TRPS1: variants seen among roughly 807,000 people sequenced by gnomAD.
The protein encoded by TRPS1 is transcriptional repressor GATA binding 1.
A neutral mutation model predicts 101.2 loss-of-function variants in TRPS1; 6 were observed. The observed-to-expected ratio is 0.06, with a 90% CI of 0.03 to 0.12. TRPS1 has a LOEUF of 0.12. Ranked by LOEUF, TRPS1 falls within the 10% of genes least tolerant of loss-of-function variation. The probability of loss-of-function intolerance (pLI) is 1.00; values close to 1 mark genes in which losing one functional copy is unlikely to be tolerated. For missense variants in TRPS1, 1,363 were observed against 1,567.0 expected, an observed-to-expected ratio of 0.87 and a Z score of 2.20; for synonymous variants, 578 against 589.8, an observed-to-expected ratio of 0.98 and a Z score of 0.29.
At chr8:115,550,923 T>C (rs999107164) in intron 5 of TRPS1, among the ~76,000 whole-genome samples, 1 of 152,170 alleles carries the variant, frequency 6.6e-6, no homozygotes, top group Non-Finnish European at 1.5e-5. Context: ...GGAATATCAG[T>C]AATACAAGTT....
chr8:115,415,105 A>G, intron 6 of TRPS1, 21 bp from the exon 7 acceptor site: 2 of 1,581,606 alleles, frequency 1.3e-6, no homozygotes, highest in Non-Finnish European at 1.7e-6. Flanking sequence ...CACATACAAT[A>G]CATAAAAGGA....
chr8:115,652,635 CTA>C (rs1443409871), intron 1 of TRPS1, among the ~76,000 whole-genome samples: 1 of 152,208 alleles, frequency 6.6e-6, no homozygotes, highest in African/African-American at 2.4e-5. Flanking sequence ...AAAACCTAAT[CTA>C]TCTCTCAGCT....
chr8:115,540,710 T>G lies in TRPS1; in HGVS notation c.2700+46291A>C, dbSNP rs1205332849. Among the ~76,000 whole-genome samples, 2 of 151,866 alleles carry G rather than the reference T, an allele frequency of 1.3e-5. 1 individual carries two copies. Among genetic ancestry groups the G allele is most frequent in the South Asian group, 4.1e-4 (2 of 4,824 alleles). ...GTCAAAACACAAAAAATACATACTT[T>G]GGCTAAACTTTGAATTACATACCAG... On this transcript the variant is annotated intron_variant, in intron 5 of 6. Transcript: ENST00000395715.
rs546617275 is a variant in TRPS1 at position 115,492,053 on chromosome 8, A to G, written c.2701-73601T>C. 2.3e-5 allele frequency: 9 copies of G among 390,268 alleles called. No individual in the cohort carries two copies. In the East Asian group the frequency reaches 5.0e-4, roughly 22 times the overall value. The allele number at this position is 390,268 out of a possible 1,614,324, so 24.2% of individuals were successfully genotyped here. On this transcript the variant is annotated intron_variant, in intron 5 of 6. Coordinates refer to ENST00000395715, the MANE Select transcript of TRPS1 (RefSeq NM_014112.5). The stretch of plus-strand genomic sequence containing the variant: ...GTCTTTTAATTTCAAACTAACTCTC[A>G]CTTGGCTTCTAATACATGTTTAAAA...
chr8:115,517,689 T>A (rs1815750916), intron 5 of TRPS1, among the ~76,000 whole-genome samples: 1 of 151,762 alleles, frequency 6.6e-6, no homozygotes, highest in South Asian at 2.1e-4. Context: ...ATAGTTGGCA[T>A]CCTACCCATG....
intron 5 of TRPS1, among the ~76,000 whole-genome samples, chr8:115,514,594 A>G (rs985690714): frequency 1.3e-5 from 2 of 151,606 alleles, no homozygotes; most frequent in Admixed American, 1.3e-4. Flanking sequence ...TATTTTAAAA[A>G]TTTCCTTGAA....
At chr8:115,606,127 C>T (rs767798644) in intron 3 of TRPS1, among the ~76,000 whole-genome samples, 1 of 152,116 alleles carries the variant, frequency 6.6e-6, no homozygotes, top group Non-Finnish European at 1.5e-5. Context: ...CACGTGTGAT[C>T]GCTGTTCATA....
intron 5 of TRPS1, among the ~76,000 whole-genome samples, chr8:115,478,504 T>C (rs138361905): frequency 1.3e-4 from 20 of 152,268 alleles, no homozygotes; most frequent in Admixed American, 4.6e-4. Context: ...AAAATTCTAC[T>C]TTAAAAATAT....
At chr8:115,434,623 T>G (rs1269660175) in intron 5 of TRPS1, among the ~76,000 whole-genome samples, 1 of 152,318 alleles carries the variant, frequency 6.6e-6, no homozygotes, top group East Asian at 1.9e-4. Context: ...ATTTTTAACT[T>G]GGCAATATTG....
At chr8:115,556,163 C>T (rs1816815697) in intron 5 of TRPS1, among the ~76,000 whole-genome samples, 1 of 152,178 alleles carries the variant, frequency 6.6e-6, no homozygotes, top group Admixed American at 6.5e-5. Context: ...ATCACATTGG[C>T]AACCTCTAGG....
chr8:115,472,556 T>C (rs1814499055), intron 5 of TRPS1, among the ~76,000 whole-genome samples: 1 of 152,344 alleles, frequency 6.6e-6, no homozygotes, highest in African/African-American at 2.4e-5. Flanking sequence ...TTGTTACTTA[T>C]GCAAATTTCT....
At chr8:115,515,570 T>C (rs1265098594) in intron 5 of TRPS1, among the ~76,000 whole-genome samples, 1 of 109,090 alleles carries the variant, frequency 9.2e-6, no homozygotes, top group Non-Finnish European at 1.9e-5. Flanking sequence ...AAGTATTTCA[T>C]GTTGATAAGA....
At chr8:115,541,546 T>C (rs983814540) in intron 5 of TRPS1, among the ~76,000 whole-genome samples, 1 of 152,208 alleles carries the variant, frequency 6.6e-6, no homozygotes, top group Non-Finnish European at 1.5e-5. Context: ...GAAAACTCAA[T>C]AATTAAAAAT....
chr8:115,543,185 C>T (rs958717290), intron 5 of TRPS1, among the ~76,000 whole-genome samples: 2 of 152,106 alleles, frequency 1.3e-5, no homozygotes, highest in African/African-American at 4.8e-5. Context: ...CTGTTGTTAT[C>T]CTCACTATCA....
At chr8:115,548,578 C>T (rs979523325) in intron 5 of TRPS1, among the ~76,000 whole-genome samples, 12 of 152,130 alleles carry the variant, frequency 7.9e-5, no homozygotes, top group African/African-American at 2.9e-4. Flanking sequence ...AGCCACTGTG[C>T]CTGGCCAACA....
chr8:115,604,325 G>A lies in TRPS1; in HGVS notation c.1644C>T (p.Ser548=), dbSNP rs1237070966. Residue 548 remains serine, a synonymous_variant, in exon 4 of 7, where the codon AGC becomes AGT. Coordinates refer to ENST00000395715, the MANE Select transcript of TRPS1 (RefSeq NM_014112.5). The surrounding 1 kb of genome is among the most constrained non-coding windows in gnomAD (Gnocchi z 4.1). ...CCACTACAATTACATCAGGGCCATGGCTTTTGGAATATCGGAAGTCACAGA... is the reference window on the plus strand; with the variant it reads ...CCACTACAATTACATCAGGGCCATGACTTTTGGAATATCGGAAGTCACAGA... ...CQFCDFRYSK[S]HGPDVIVVGP... The A allele has an allele frequency of 6.2e-7, 1 of 1,613,970 alleles. No homozygotes were observed. The highest frequency in any genetic ancestry group is 1.7e-5 in the Admixed American group (1 of 59,990).
rs969641156 is a variant in TRPS1, at chr8:115,414,420, G to T, written c.3488C>A (p.Pro1163His). 3.1e-6 allele frequency: 5 copies of T among 1,613,858 alleles called. No individual in the cohort carries two copies. In the African/African-American group the frequency reaches 6.7e-5, roughly 22 times the overall value. The change falls in exon 7 of 7, where the codon CCT (proline) becomes CAT (histidine). Residue 1163 changes from proline to histidine, a missense_variant. Physicochemically the swap from Pro to His is moderately conservative, Grantham distance 77. Coordinates refer to ENST00000395715, the MANE Select transcript of TRPS1 (RefSeq NM_014112.5). This position sits in a 1 kb window ranked among gnomAD's most constrained non-coding sequence, Gnocchi z 4.8. ...NYVPYPTFNL[P>H]PHFSAVGSDN... Reference sequence around the variant, plus strand: ...TGATCCAACAGCTGAAAAATGAGGAGGCAGATTGAAGGTGGGATAAGGCAC... The same window carrying T: ...TGATCCAACAGCTGAAAAATGAGGATGCAGATTGAAGGTGGGATAAGGCAC...
chr8:115,541,408 T>C (rs1264445957), intron 5 of TRPS1, among the ~76,000 whole-genome samples: 1 of 152,244 alleles, frequency 6.6e-6, no homozygotes. Context: ...ATAGCTATTC[T>C]TTATTCTAGT....
At chr8:115,450,187 AAGTAAGTT>A (rs1813833290) in intron 5 of TRPS1, among the ~76,000 whole-genome samples, 1 of 152,188 alleles carries the variant, frequency 6.6e-6, no homozygotes, top group Non-Finnish European at 1.5e-5. Context: ...TTAAAAATTT[AAGTAAGTT>A]ATTTCTGAAA....
Sources: gnomAD v4.1 joint callset for allele counts (sites outside exome capture counted in the v4.1 genomes callset) on GRCh38, gnomAD v4.1.1 for gene constraint, Gnocchi (gnomAD v3.1) non-coding constraint, MANE v1.5 for transcripts, NCBI Gene and HGNC (gene_info 2026-07-23, HGNC 2026-07-21) for gene names.